The following MROH7 variants were observed in gnomAD, a reference collection of about 807,000 sequenced individuals.
MROH7 encodes maestro heat like repeat family member 7.
In MROH7, 113 loss-of-function variants were observed where a neutral mutation model predicts 129.2. The ratio of observed to expected loss-of-function variants is 0.87; its 90% CI spans 0.75 to 1.02. MROH7 has a LOEUF of 1.02. Ranked by LOEUF, MROH7 falls within the 50% of genes least tolerant of loss-of-function variation. The pLI, the probability that MROH7 is intolerant of heterozygous loss-of-function variation, is 0.00. For missense variants in MROH7, 1,601 were observed against 1,671.3 expected (o/e 0.96, Z 0.73); for synonymous variants, 655 against 667.9 (o/e 0.98, Z 0.30).
At chr1:54,647,860 G>A (rs543929898) in intron 1 of MROH7, among the ~76,000 whole-genome samples, 69 of 136,850 alleles carry the variant, frequency 5.0e-4, no homozygotes, top group African/African-American at 1.8e-3. Context: ...AGCCAAAATT[G>A]TGCCATTGCA....
intron 21 of MROH7, 32 bp from the exon 22 acceptor site, chr1:54,706,403 G>T (rs751842138): frequency 1.9e-5 from 29 of 1,545,906 alleles, no homozygotes; most frequent in Non-Finnish European, 2.1e-5. Context: ...CCTCTGAGAG[G>T]CCAGCACTTT....
chr1:54,701,001 T>TA (rs1238244330), intron 18 of MROH7, 142 bp from the exon 19 acceptor site: 2 of 871,226 alleles, frequency 2.3e-6, no homozygotes, highest in African/African-American at 3.4e-5. Context: ...GTGAGGGTAT[T>TA]CCAGGCAGGT....
intron 17 of MROH7, chr1:54,697,743 T>C: frequency 1.4e-6 from 1 of 698,134 alleles, no homozygotes; most frequent in South Asian, 1.5e-5. Context: ...TCCAGAGAGA[T>C]TCAGAACAGG....
In MROH7 at chr1:54,701,202, G is replaced by A. The variant is rs1249041353; in HGVS notation, c.3165G>A (p.Gly1055=). The A allele has an allele frequency of 6.2e-7, 1 of 1,614,242 alleles. No homozygotes were observed. Among genetic ancestry groups the A allele is most frequent in the African/African-American group, 1.3e-5 (1 of 75,070 alleles). Residue 1055 remains glycine (G), a synonymous_variant, in exon 19 of 24, where the codon GGG becomes GGA. Coordinates refer to ENST00000421030, the MANE Select transcript of MROH7 (RefSeq NM_001039464.4). Reference sequence around the variant, plus strand: ...TGAAGGGCCTGAAGAACATGGATGGGATGCTGGTGGTGGAAGCGGTCCACA... The same window carrying A: ...TGAAGGGCCTGAAGAACATGGATGGAATGCTGGTGGTGGAAGCGGTCCACA... The part of the protein sequence containing the change: ...SMVKGLKNMD[G]MLVVEAVHNL...
chr1:54,684,113 C>T (rs537245647), intron 14 of MROH7, among the ~76,000 whole-genome samples: 2 of 152,300 alleles, frequency 1.3e-5, no homozygotes, highest in Admixed American at 1.3e-4. Flanking sequence ...GTTTAGTGAG[C>T]ACCTCCTATA....
intron 22 of MROH7, 44 bp downstream of exon 22, chr1:54,706,581 C>A (rs1645538001): frequency 6.9e-7 from 1 of 1,450,108 alleles, no homozygotes; most frequent in Admixed American, 1.7e-5. Flanking sequence ...AGGGCTCTGC[C>A]TGCTCTCCAG....
intron 7 of MROH7, among the ~76,000 whole-genome samples, chr1:54,672,801 G>C (rs1411055250): frequency 3.3e-5 from 5 of 152,156 alleles, no homozygotes; most frequent in African/African-American, 1.2e-4. Flanking sequence ...TCACCAGGTA[G>C]CCACCTGGTC....
chr1:54,657,099 G>A (rs1320794023), intron 3 of MROH7, among the ~76,000 whole-genome samples: 1 of 148,838 alleles, frequency 6.7e-6, no homozygotes, highest in Non-Finnish European at 1.5e-5. Flanking sequence ...CCAGGCTGGA[G>A]TACAGTGTCA....
In MROH7 at chr1:54,671,036, C is replaced by T. The variant is rs1459127643; in HGVS notation, c.1599+107C>T. 3.1e-6 allele frequency: 4 copies of T among 1,282,734 alleles called. No homozygotes were observed. In the Admixed American group the frequency reaches 1.0e-4, roughly 33 times the overall value. 79.5% of individuals were successfully genotyped at this position (1,282,734 alleles called of 1,614,324 possible). A position where few individuals can be genotyped will look rare whatever the true frequency, so the allele number is the denominator to read the frequency against. ...TGGTCTGTGGCCTTGGGCAATTCAA[C>T]TGACTTCTGTTGGTCTGAGTAGGTA... On this transcript the variant is annotated intron_variant, in intron 7 of 23. Coordinates refer to ENST00000421030, the MANE Select transcript of MROH7 (RefSeq NM_001039464.4).
At position 54,653,443 on chromosome 1, in the gene MROH7, C is replaced by T. The variant is rs757219968; in HGVS notation, c.517C>T (p.His173Tyr). ...TCAGAGAAACTCCAACCCTTCTAGG[C>T]ATGAATTAAACCCATTTATAAGGCA... ...LGQRNSNPSR[H>Y]ELNPFIRHHS... The change falls in exon 3 of 24, where the codon CAT (histidine) becomes TAT (tyrosine). Residue 173 changes from histidine (H) to tyrosine (Y), a missense_variant. Physicochemically the swap from His to Tyr is moderately conservative, Grantham distance 83. Transcript: ENST00000421030. 1.9e-6 allele frequency: 3 copies of T among 1,614,166 alleles called. No homozygotes were observed. The highest frequency in any genetic ancestry group is 2.5e-6 in the Non-Finnish European group (3 of 1,180,012).
chr1:54,686,626 C>T (rs952584077), intron 15 of MROH7, among the ~76,000 whole-genome samples, 178 bp downstream of exon 15: 7 of 152,212 alleles, frequency 4.6e-5, no homozygotes, highest in Non-Finnish European at 5.9e-5. Flanking sequence ...TGTTTTTGAG[C>T]ACCTGCTCTG....
Position 54,679,884 on chromosome 1 carries a change from GC to G in MROH7, c.2227-3del. The G allele has an allele frequency of 6.2e-7, 1 of 1,603,698 alleles. No individual in the cohort carries two copies. On this transcript the variant is annotated splice_polypyrimidine_tract_variant and splice_region_variant and intron_variant, in intron 12 of 23. Transcript: ENST00000421030. Reference sequence around the variant, plus strand: ...CCTTGCTCATGGCTGCCCCGGCTGTGCCCCAGATCCCAGAAATCATGCAAGG... The same window carrying G: ...CCTTGCTCATGGCTGCCCCGGCTGTGCCCAGATCCCAGAAATCATGCAAGG...
At chr1:54,647,316 T>C (rs1644482233) in intron 1 of MROH7, among the ~76,000 whole-genome samples, 1 of 152,086 alleles carries the variant, frequency 6.6e-6, no homozygotes, top group Non-Finnish European at 1.5e-5. Context: ...TTGTATACAA[T>C]GTGGGATAGG....
In MROH7 at chr1:54,686,239, C is replaced by A. The variant is rs1272893807; in HGVS notation, c.2521-19C>A. On this transcript the variant is annotated intron_variant, in intron 14 of 23. Transcript: ENST00000421030. The stretch of plus-strand genomic sequence containing the variant: ...AAGATGGGCCACGACATCCCAGCAG[C>A]CTCCCCTCTGCCCCATAGGCAGCCA... 4 of 1,594,374 alleles carry A rather than the reference C, an allele frequency of 2.5e-6. No homozygotes were observed. Among genetic ancestry groups the A allele is most frequent in the South Asian group, 2.3e-5 (2 of 87,766 alleles).
chr1:54,648,150 C>A (rs1038082994), intron 1 of MROH7, among the ~76,000 whole-genome samples: 1 of 151,668 alleles, frequency 6.6e-6, no homozygotes, highest in Non-Finnish European at 1.5e-5. Flanking sequence ...TCCCAAAGTG[C>A]TGAGATTATA....
Position 54,682,619 on chromosome 1 carries a change from T to G in MROH7, c.2382-37T>G. ...GGAGGCTGGGTTAGCCCCACTGCCT[T>G]GGCCACCACTAATTGCCCACATCCC... On this transcript the variant is annotated intron_variant, in intron 13 of 23. Coordinates refer to ENST00000421030, the MANE Select transcript of MROH7 (RefSeq NM_001039464.4). 3 of 1,594,434 alleles carry G rather than the reference T, an allele frequency of 1.9e-6. No homozygotes were observed. In the South Asian group the frequency reaches 3.4e-5, roughly 18 times the overall value.
intron 15 of MROH7, 135 bp from the exon 16 acceptor site, chr1:54,692,289 A>C: frequency 9.2e-7 from 1 of 1,091,676 alleles, no homozygotes; most frequent in South Asian, 1.6e-5. Flanking sequence ...CCCTTTGTGG[A>C]TACACTGAAT....
intron 23 of MROH7, 131 bp downstream of exon 23, chr1:54,709,207 T>C (rs1645584574): frequency 2.3e-6 from 2 of 872,534 alleles, no homozygotes; most frequent in African/African-American, 1.7e-5. Flanking sequence ...GTTGTACTAG[T>C]TTTTTGTTTG....
intron 4 of MROH7, among the ~76,000 whole-genome samples, chr1:54,668,228 G>A (rs903568620): frequency 2.0e-5 from 3 of 152,216 alleles, no homozygotes; most frequent in Non-Finnish European, 4.4e-5. Flanking sequence ...TTATTCTGCT[G>A]TTCAAAGCAA....
Sources: allele counts gnomAD v4.1 joint callset (sites outside exome capture counted in the v4.1 genomes callset), GRCh38; gene constraint gnomAD v4.1.1; transcripts MANE v1.5; gene names NCBI Gene and HGNC (gene_info 2026-07-23, HGNC 2026-07-21).